The following COMMD1 variants were observed in gnomAD, a reference collection of about 807,000 sequenced individuals.
COMMD1 encodes copper metabolism domain containing 1.
COMMD1 carries 10 observed loss-of-function variants against 17.2 expected under a neutral mutation model. That is an observed-to-expected ratio of 0.58 (90% CI 0.36 to 0.99). The LOEUF (loss-of-function observed/expected upper bound fraction) is 0.99, where lower values mean the gene tolerates loss of function less well. Among genes scored for constraint, COMMD1 ranks in the 50% least tolerant of loss-of-function variants. The pLI is 0.01. For synonymous variants in COMMD1, 97 were observed against 91.6 expected (o/e 1.06, Z -0.34); for missense variants, 270 against 231.8 (o/e 1.17, Z -1.07).
At chr2:62,037,273 A>G (rs1414352008) in intron 2 of COMMD1, among the ~76,000 whole-genome samples, 1 of 152,190 alleles carries the variant, frequency 6.6e-6, no homozygotes, top group African/African-American at 2.4e-5. Context: ...GAAGGAAGGT[A>G]TCTATATTTA....
At chr2:61,925,357 A>G (rs1000970793) in intron 1 of COMMD1, among the ~76,000 whole-genome samples, 7 of 152,168 alleles carry the variant, frequency 4.6e-5, no homozygotes, top group Non-Finnish European at 1.0e-4. Flanking sequence ...CAGAGGAGGC[A>G]GCACCAAGCT....
intron 1 of COMMD1, among the ~76,000 whole-genome samples, chr2:61,984,463 T>C (rs1672049332): frequency 6.6e-6 from 1 of 152,268 alleles, no homozygotes; most frequent in Non-Finnish European, 1.5e-5. Flanking sequence ...GTTTGCATAG[T>C]TTCCAAAATT....
At chr2:61,964,799 G>A (rs1450449505) in intron 1 of COMMD1, among the ~76,000 whole-genome samples, 7 of 152,204 alleles carry the variant, frequency 4.6e-5, no homozygotes, top group Admixed American at 4.6e-4. Context: ...CTTGAACCTG[G>A]GAGGTGAAGG....
At chr2:62,066,875 A>C (rs1393696102) in intron 2 of COMMD1, among the ~76,000 whole-genome samples, 1 of 148,662 alleles carries the variant, frequency 6.7e-6, no homozygotes, top group Non-Finnish European at 1.5e-5. Context: ...ACAGATGTGC[A>C]CCACCATGCC....
intron 1 of COMMD1, among the ~76,000 whole-genome samples, chr2:61,906,073 C>T (rs1669765453): frequency 6.6e-6 from 1 of 152,216 alleles, no homozygotes; most frequent in African/African-American, 2.4e-5. Context: ...CTGAAGTTCC[C>T]AGTCCCCCGG....
intron 2 of COMMD1, among the ~76,000 whole-genome samples, chr2:62,054,480 G>T (rs754005153): frequency 6.6e-6 from 1 of 152,146 alleles, no homozygotes; most frequent in Non-Finnish European, 1.5e-5. Flanking sequence ...TAAAGAAAAT[G>T]TAGTACATAT....
At chr2:61,976,218 A>G (rs753032203) in intron 1 of COMMD1, among the ~76,000 whole-genome samples, 9 of 152,034 alleles carry the variant, frequency 5.9e-5, no homozygotes, top group Non-Finnish European at 1.0e-4. Context: ...AAAAGAAAAA[A>G]ATACATACTG....
intron 1 of COMMD1, among the ~76,000 whole-genome samples, chr2:61,941,251 T>C (rs11674385): frequency 0.12 from 17,540 of 150,828 alleles, 2,407 homozygotes; most frequent in African/African-American, 0.33. Context: ...TGGTCTTGAG[T>C]TCCTGACCTT....
intron 1 of COMMD1, among the ~76,000 whole-genome samples, chr2:61,896,547 A>T (rs190940824): frequency 3.9e-5 from 6 of 152,304 alleles, no homozygotes; most frequent in African/African-American, 1.4e-4. Flanking sequence ...ACACCACTGC[A>T]CTGGGTGGCA....
chr2:61,901,773 CTA>C (rs1669661460), upstream of COMMD1, among the ~76,000 whole-genome samples: 1 of 152,162 alleles, frequency 6.6e-6, no homozygotes, highest in Admixed American at 6.5e-5. Context: ...GAGATGTACA[CTA>C]TAACTATGTT....
intron 1 of COMMD1, among the ~76,000 whole-genome samples, chr2:61,907,761 G>A (rs769547901): frequency 1.3e-5 from 2 of 151,978 alleles, no homozygotes; most frequent in East Asian, 1.9e-4. Context: ...TGTGATCTCC[G>A]CTCTCTACAA....
At chr2:62,056,287 G>A (rs1038983796) in intron 2 of COMMD1, among the ~76,000 whole-genome samples, 5 of 152,180 alleles carry the variant, frequency 3.3e-5, no homozygotes, top group Admixed American at 6.5e-5. Context: ...TGTTCACACA[G>A]CTCTGTGAGG....
At chr2:62,113,345 C>A (rs1174709722) in intron 2 of COMMD1, among the ~76,000 whole-genome samples, 1 of 152,136 alleles carries the variant, frequency 6.6e-6, no homozygotes, top group South Asian at 2.1e-4. Flanking sequence ...GAGCAAGACA[C>A]CGTCTCAAAA....
rs190631634 is a variant in COMMD1, at chr2:62,071,681, C to A, written c.463-64150C>A. Among the ~76,000 whole-genome samples the A allele has an allele frequency of 5.9e-3, 905 of 152,168 alleles. 6 individuals carry two copies. The highest frequency in any genetic ancestry group is 9.1e-3 in the Non-Finnish European group (616 of 67,978). On this transcript the variant is annotated intron_variant, in intron 2 of 2. Transcript: ENST00000311832. ...ATTATAAAAATAAACTATTATAAAT[C>A]AAAAATAAAATCCTAAGCCTCCCTC... is the stretch of plus-strand genomic sequence containing the variant.
At chr2:62,070,826 T>C (rs1671181727) in intron 2 of COMMD1, among the ~76,000 whole-genome samples, 1 of 152,192 alleles carries the variant, frequency 6.6e-6, no homozygotes, top group Non-Finnish European at 1.5e-5. Flanking sequence ...GGTCAGGAGT[T>C]AAAGACCAGC....
rs888820587 is a variant in COMMD1 at position 62,030,898 on chromosome 2, C to A, written c.462+29916C>A. 7.9e-5 allele frequency among the ~76,000 whole-genome samples: 12 copies of A among 151,840 alleles called. 1 individual carries two copies. Among genetic ancestry groups the A allele is most frequent in the Admixed American group, 1.3e-4 (2 of 15,248 alleles). On this transcript the variant is annotated intron_variant, in intron 2 of 2. Coordinates refer to ENST00000311832, the MANE Select transcript of COMMD1 (RefSeq NM_152516.4). ...ACTGTGTAACCTCTTAAATTTTTTT[C>A]ATTTACACCCCCCAGGTTTGGATTT...
intron 1 of COMMD1, among the ~76,000 whole-genome samples, chr2:61,912,493 T>G (rs894165212): frequency 3.9e-5 from 6 of 152,114 alleles, no homozygotes; most frequent in African/African-American, 1.4e-4. Context: ...TCCCAGCACT[T>G]TGGGAGGCCA....
chr2:61,901,778 A>G (rs1382287655), upstream of COMMD1, among the ~76,000 whole-genome samples: 1 of 152,190 alleles, frequency 6.6e-6, no homozygotes, highest in Non-Finnish European at 1.5e-5. Flanking sequence ...GTACACTATA[A>G]CTATGTTGGT....
intron 2 of COMMD1, among the ~76,000 whole-genome samples, chr2:62,040,395 T>A (rs2103893320): frequency 6.6e-6 from 1 of 152,326 alleles, no homozygotes; most frequent in South Asian, 2.1e-4. Context: ...GTAAAACTCA[T>A]TTTCTTTCCC....
Sources: allele counts gnomAD v4.1 joint callset (sites outside exome capture counted in the v4.1 genomes callset), GRCh38; gene constraint gnomAD v4.1.1; transcripts MANE v1.5; gene names NCBI Gene and HGNC (gene_info 2026-07-23, HGNC 2026-07-21).